TMEM132D: variants seen among roughly 807,000 people sequenced by gnomAD.
TMEM132D encodes mature OL transmembrane protein.
In TMEM132D, 21 loss-of-function variants were observed where a neutral mutation model predicts 62.3. The ratio of observed to expected loss-of-function variants is 0.34; its 90% CI spans 0.24 to 0.49. The LOEUF is 0.49. Ranked by LOEUF, TMEM132D falls within the 20% of genes least tolerant of loss-of-function variation. The pLI, the probability that TMEM132D is intolerant of heterozygous loss-of-function variation, is 0.99. For synonymous variants in TMEM132D, 621 were observed against 575.6 expected, an observed-to-expected ratio of 1.08 and a Z score of -1.13; for missense variants, 1,346 against 1,402.8, an observed-to-expected ratio of 0.96 and a Z score of 0.65.
intron 4 of TMEM132D, among the ~76,000 whole-genome samples, chr12:129,218,153 C>A (rs564386045): frequency 6.6e-6 from 1 of 152,268 alleles, no homozygotes; most frequent in South Asian, 2.1e-4. Flanking sequence ...TGGTTCCTAC[C>A]TTTTCTGAGG....
chr12:129,115,880 C>T (rs549384649), intron 5 of TMEM132D, among the ~76,000 whole-genome samples: 53 of 152,344 alleles, frequency 3.5e-4, no homozygotes, highest in African/African-American at 1.3e-3. Context: ...CACATCTCCC[C>T]TTGGCTGGAT....
At chr12:129,660,347 G>T (rs1009537295) in intron 2 of TMEM132D, among the ~76,000 whole-genome samples, 40 of 151,984 alleles carry the variant, frequency 2.6e-4, no homozygotes, top group Admixed American at 1.6e-3. Flanking sequence ...TCATGATGCA[G>T]CGTTCTTACC....
chr12:129,492,604 C>T (rs1446087177), intron 3 of TMEM132D, among the ~76,000 whole-genome samples: 1 of 152,134 alleles, frequency 6.6e-6, no homozygotes, highest in East Asian at 1.9e-4. Flanking sequence ...TCTGTTTTCT[C>T]AAAAGAACAG....
At chr12:129,476,334 A>G (rs1323755683) in intron 3 of TMEM132D, among the ~76,000 whole-genome samples, 2 of 152,228 alleles carry the variant, frequency 1.3e-5, no homozygotes, top group Non-Finnish European at 2.9e-5. Context: ...CAGAATGAAG[A>G]AAGAGACAAG....
chr12:129,635,164 C>G (rs554820237), intron 2 of TMEM132D, among the ~76,000 whole-genome samples: 2 of 152,342 alleles, frequency 1.3e-5, no homozygotes, highest in South Asian at 4.1e-4. Context: ...TCCCAGCATC[C>G]ACCACTTTGA....
At chr12:129,097,424 C>G (rs533519372) in intron 5 of TMEM132D, among the ~76,000 whole-genome samples, 9 of 152,208 alleles carry the variant, frequency 5.9e-5, no homozygotes, top group African/African-American at 2.2e-4. Flanking sequence ...CTTTTTCTTT[C>G]TTAAAAAAAC....
In TMEM132D at chr12:129,277,485, A is replaced by G. The variant is rs976329878; in HGVS notation, c.1299+60149T>C. Among the ~76,000 whole-genome samples, 1 of 152,210 alleles carries G rather than the reference A, an allele frequency of 6.6e-6. No individual in the cohort carries two copies. The highest frequency in any genetic ancestry group is 1.5e-5 in the Non-Finnish European group (1 of 68,032). ...AATGCTTGTACAAATGATTTTTAAA[A>G]TTCTTTATCCCTTACTCATTGCTGC... On this transcript the variant is annotated intron_variant, in intron 4 of 8. Coordinates refer to ENST00000422113, the MANE Select transcript of TMEM132D (RefSeq NM_133448.3). The surrounding 1 kb of genome is among the most constrained non-coding windows in gnomAD (Gnocchi z 4.2).
chr12:129,217,336 G>T (rs1160918252), intron 4 of TMEM132D, among the ~76,000 whole-genome samples: 1 of 152,170 alleles, frequency 6.6e-6, no homozygotes, highest in African/African-American at 2.4e-5. Context: ...TCACTTATAA[G>T]TGTGAGCTAA....
chr12:129,196,323 G>A (rs1017676991), intron 5 of TMEM132D, among the ~76,000 whole-genome samples: 1 of 152,186 alleles, frequency 6.6e-6, no homozygotes, highest in Admixed American at 6.5e-5. Context: ...GTGTCCCTCA[G>A]TCTGTGCAAT....
At chr12:129,190,088 G>A (rs1878341354) in intron 5 of TMEM132D, among the ~76,000 whole-genome samples, 1 of 113,326 alleles carries the variant, frequency 8.8e-6, no homozygotes, top group Admixed American at 9.4e-5. Flanking sequence ...GAGGAAGGGA[G>A]TCTCAGGCTT....
intron 4 of TMEM132D, among the ~76,000 whole-genome samples, chr12:129,228,290 C>G (rs1341420747): frequency 1.3e-5 from 2 of 152,030 alleles, no homozygotes; most frequent in African/African-American, 4.8e-5. Context: ...AATGTCAGCT[C>G]CTTGCTCAAG....
chr12:129,439,828 T>A (rs1872888829), intron 3 of TMEM132D, among the ~76,000 whole-genome samples: 1 of 152,178 alleles, frequency 6.6e-6, no homozygotes. Flanking sequence ...TTGGTAGGAT[T>A]ATCCTTTCCT....
intron 1 of TMEM132D, among the ~76,000 whole-genome samples, chr12:129,781,465 A>C (rs1871117703): frequency 6.6e-6 from 1 of 152,252 alleles, no homozygotes; most frequent in Non-Finnish European, 1.5e-5. Flanking sequence ...ATTATTTGTC[A>C]ATTTAAAATG....
chr12:129,130,055 T>TGTGTGTGTGTGTG (rs1555231641), intron 5 of TMEM132D, among the ~76,000 whole-genome samples: 1 of 41,602 alleles, frequency 2.4e-5, no homozygotes, highest in African/African-American at 7.4e-5. Context: ...GTGTGTGTGT[T>TGTGTGTGTGTGTG]TATTTATGCA....
intron 1 of TMEM132D, chr12:129,853,250 A>T (rs1007997923): frequency 6.6e-6 from 1 of 152,280 alleles, no homozygotes. Context: ...ATTTAACTTC[A>T]GAAATCGATG....
chr12:129,775,599 C>T (rs1204481324), intron 1 of TMEM132D, among the ~76,000 whole-genome samples: 2 of 152,128 alleles, frequency 1.3e-5, no homozygotes, highest in African/African-American at 4.8e-5. Flanking sequence ...TGGAAGCATC[C>T]CTGCAGAAGG....
At chr12:129,473,328 T>TTTTG (rs1555259208) in intron 3 of TMEM132D, among the ~76,000 whole-genome samples, 19 of 131,070 alleles carry the variant, frequency 1.4e-4, no homozygotes, top group African/African-American at 4.5e-4. Flanking sequence ...GTTTTTGTTT[T>TTTTG]TTTTTTTTTT....
At chr12:129,464,669 C>G (rs1873821279) in intron 3 of TMEM132D, among the ~76,000 whole-genome samples, 1 of 152,106 alleles carries the variant, frequency 6.6e-6, no homozygotes, top group Admixed American at 6.6e-5. Context: ...GGAAGGGATC[C>G]AGTTTCAGCT....
At chr12:129,513,620 G>C (rs1202868755) in intron 3 of TMEM132D, among the ~76,000 whole-genome samples, 1 of 150,756 alleles carries the variant, frequency 6.6e-6, no homozygotes, top group Non-Finnish European at 1.5e-5. Context: ...GAGTAGCTGG[G>C]ACTACAGGCA....
Sources: gnomAD v4.1 joint callset for allele counts (sites outside exome capture counted in the v4.1 genomes callset) on GRCh38, gnomAD v4.1.1 for gene constraint, Gnocchi (gnomAD v3.1) non-coding constraint, MANE v1.5 for transcripts, NCBI Gene and HGNC (gene_info 2026-07-23, HGNC 2026-07-21) for gene names.